MARCHF1: variants seen among roughly 807,000 people sequenced by gnomAD.
The protein encoded by MARCHF1 is E3 ubiquitin-protein ligase MARCHF1.
MARCHF1 carries 40 observed loss-of-function variants against 54.2 expected under a neutral mutation model. The observed-to-expected ratio is 0.74, with a 90% CI of 0.57 to 0.96. The LOEUF is 0.96. Among genes scored for constraint, MARCHF1 ranks in the 40% least tolerant of loss-of-function variants. The probability of loss-of-function intolerance (pLI) is 0.00; values close to 1 mark genes in which losing one functional copy is unlikely to be tolerated. For missense variants in MARCHF1, 586 were observed against 656.5 expected (o/e 0.89, Z 1.17); for synonymous variants, 236 against 236.3 (o/e 1.00, Z 0.01).
At chr4:164,232,050 T>C (rs959379288) in intron 1 of MARCHF1, among the ~76,000 whole-genome samples, 8 of 152,182 alleles carry the variant, frequency 5.3e-5, no homozygotes, top group African/African-American at 1.9e-4. Context: ...TTATTTCATT[T>C]GCATACAATC....
At chr4:164,138,077 T>A (rs181507804) in intron 1 of MARCHF1, among the ~76,000 whole-genome samples, 1 of 152,146 alleles carries the variant, frequency 6.6e-6, no homozygotes. Context: ...ATTATCACAG[T>A]GGACCCCAGC....
intron 4 of MARCHF1, among the ~76,000 whole-genome samples, chr4:163,787,085 G>T (rs966297891): frequency 6.6e-6 from 1 of 151,650 alleles, no homozygotes; most frequent in Non-Finnish European, 1.5e-5. Context: ...TAACAAACTG[G>T]TTAACAGATA....
intron 2 of MARCHF1, among the ~76,000 whole-genome samples, chr4:164,054,169 A>G (rs1211853566): frequency 6.6e-6 from 1 of 151,560 alleles, no homozygotes; most frequent in Non-Finnish European, 1.5e-5. Context: ...AAAACACATG[A>G]AAAAATGCTC....
At chr4:163,624,115 G>A (rs573200899) in intron 5 of MARCHF1, among the ~76,000 whole-genome samples, 33 of 152,268 alleles carry the variant, frequency 2.2e-4, no homozygotes, top group South Asian at 6.2e-4. Context: ...AGGGCCAATG[G>A]TAATTGTAAG....
At chr4:163,717,357 G>T (rs28844136) in intron 4 of MARCHF1, among the ~76,000 whole-genome samples, 29 of 151,524 alleles carry the variant, frequency 1.9e-4, no homozygotes, top group Non-Finnish European at 2.9e-4. Context: ...TAGTATTCCA[G>T]GGTGTATATG....
chr4:164,013,906 T>C (rs536492339), intron 2 of MARCHF1, among the ~76,000 whole-genome samples: 6 of 152,142 alleles, frequency 3.9e-5, no homozygotes, highest in Non-Finnish European at 8.8e-5. Context: ...GGCTCACACC[T>C]GTAATCCCAG....
chr4:164,087,385 TGTTA>T (rs1227252567), intron 2 of MARCHF1, among the ~76,000 whole-genome samples: 3 of 152,052 alleles, frequency 2.0e-5, no homozygotes, highest in Non-Finnish European at 4.4e-5. Context: ...ATAGTGAAAT[TGTTA>T]ATTAGAAAAT....
intron 2 of MARCHF1, among the ~76,000 whole-genome samples, chr4:163,998,574 T>A (rs568883901): frequency 4.6e-5 from 7 of 151,746 alleles, no homozygotes; most frequent in African/African-American, 1.7e-4. Flanking sequence ...ATAGTCACCA[T>A]TGTGTACAAA....
chr4:164,169,862 C>A (rs548923944), intron 1 of MARCHF1, among the ~76,000 whole-genome samples: 62 of 152,212 alleles, frequency 4.1e-4, no homozygotes, highest in African/African-American at 1.3e-3. Context: ...ATATCATCTT[C>A]AGCCAGAAAA....
intron 5 of MARCHF1, among the ~76,000 whole-genome samples, chr4:163,677,468 G>A (rs1743956541): frequency 6.6e-6 from 1 of 152,100 alleles, no homozygotes; most frequent in Non-Finnish European, 1.5e-5. Flanking sequence ...TGAGTTTACT[G>A]TCCCCTGCTA....
chr4:164,118,759 T>C lies in MARCHF1; in HGVS notation c.-322-7097A>G, dbSNP rs535853144. 4.5e-4 allele frequency among the ~76,000 whole-genome samples: 69 copies of C among 151,726 alleles called. 1 individual carries two copies. The highest frequency in any genetic ancestry group is 1.5e-3 in the African/African-American group (62 of 41,366). On this transcript the variant is annotated intron_variant, in intron 1 of 9. Transcript: ENST00000514618. ...CAAATTAAATGCTAAACAAACATAG[T>C]AGCTTTCAATTCTGAAATAAGAAAG...
intron 1 of MARCHF1, among the ~76,000 whole-genome samples, chr4:164,351,271 A>C (rs1235831742): frequency 1.3e-5 from 2 of 150,224 alleles, no homozygotes; most frequent in African/African-American, 4.9e-5. Context: ...CAGCTCAAGG[A>C]GGCCTGCCTG....
chr4:164,263,048 G>A (rs148386499), intron 1 of MARCHF1, among the ~76,000 whole-genome samples: 5,603 of 152,192 alleles, frequency 0.037, 133 homozygotes, highest in East Asian at 0.11. Context: ...GATGAGATAC[G>A]TAAGAGTGCC....
Position 163,970,836 on chromosome 4 carries a change from T to C in MARCHF1, c.-39+17665A>G, listed in dbSNP as rs1291173825. Among the ~76,000 whole-genome samples the C allele has an allele frequency of 3.3e-5, 5 of 152,304 alleles. No individual in the cohort carries two copies. In the East Asian group the frequency reaches 5.8e-4, roughly 18 times the overall value. ...TTATTCTCTAAGACATACCAATATA[T>C]GCTCCAAAAACAGATTTTTATGAAA... is the stretch of plus-strand genomic sequence containing the variant. On this transcript the variant is annotated intron_variant, in intron 3 of 9. Coordinates refer to ENST00000514618, the MANE Select transcript of MARCHF1 (RefSeq NM_001394959.1).
rs1379460844 is a variant in MARCHF1, at chr4:164,280,482, AG to A, written c.-323+103387del. Among the ~76,000 whole-genome samples the A allele has an allele frequency of 3.3e-5, 5 of 152,194 alleles. No homozygotes were observed. The South Asian group carries it at 8.3e-4, about 25-fold the overall frequency. On this transcript the variant is annotated intron_variant, in intron 1 of 9. Coordinates refer to ENST00000514618, the MANE Select transcript of MARCHF1 (RefSeq NM_001394959.1). ...GGAAAGAAATGAATTATTCAAGAAA[AG>A]GTGTTGAAACAACTGGCTAACCATT... is the stretch of plus-strand genomic sequence containing the variant.
At chr4:164,102,679 A>G (rs1383422411) in intron 2 of MARCHF1, among the ~76,000 whole-genome samples, 1 of 151,884 alleles carries the variant, frequency 6.6e-6, no homozygotes, top group Admixed American at 6.6e-5. Flanking sequence ...TGTAAAGACC[A>G]TCGAGACTAG....
At chr4:163,938,234 T>A (rs1751842390) in intron 3 of MARCHF1, among the ~76,000 whole-genome samples, 1 of 152,122 alleles carries the variant, frequency 6.6e-6, no homozygotes, top group Admixed American at 6.6e-5. Flanking sequence ...TGAAGGTAAA[T>A]AAGGCCACAG....
chr4:163,662,821 C>CT (rs1743390996), intron 5 of MARCHF1, among the ~76,000 whole-genome samples: 1 of 151,920 alleles, frequency 6.6e-6, no homozygotes, highest in African/African-American at 2.4e-5. Flanking sequence ...CGTACAATCT[C>CT]TTGTTTGAAG....
chr4:164,321,088 A>G (rs1735132109), intron 1 of MARCHF1, among the ~76,000 whole-genome samples: 2 of 152,188 alleles, frequency 1.3e-5, no homozygotes, highest in African/African-American at 4.8e-5. Context: ...AACAGCGAGG[A>G]TTTTTAAAGT....
Sources: gnomAD v4.1 joint callset for allele counts (sites outside exome capture counted in the v4.1 genomes callset) on GRCh38, gnomAD v4.1.1 for gene constraint, MANE v1.5 for transcripts, NCBI Gene and HGNC (gene_info 2026-07-23, HGNC 2026-07-21) for gene names.